Variants in USO1 observed in about 807,000 individuals in gnomAD.
USO1 encodes the protein USO1 vesicle transport factor, also known as general vesicular transport factor p115.
USO1 carries 57 observed loss-of-function variants against 124.5 expected under a neutral mutation model. That is an observed-to-expected ratio of 0.46 (90% CI 0.37 to 0.57). The LOEUF is 0.57. Among genes scored for constraint, USO1 ranks in the 20% least tolerant of loss-of-function variants. The pLI is 0.00. For missense variants in USO1, 900 were observed against 1,040.6 expected, an observed-to-expected ratio of 0.86 and a Z score of 1.86; for synonymous variants, 369 against 362.8, an observed-to-expected ratio of 1.02 and a Z score of -0.19.
intron 22 of USO1, among the ~76,000 whole-genome samples, chr4:75,810,850 C>T (rs1723129166): frequency 6.6e-6 from 1 of 152,134 alleles, no homozygotes; most frequent in Non-Finnish European, 1.5e-5. Flanking sequence ...CCCGCCTCAA[C>T]CTACTGAGTA....
chr4:75,771,879 A>G (rs1484970847), intron 7 of USO1, among the ~76,000 whole-genome samples: 1 of 152,264 alleles, frequency 6.6e-6, no homozygotes, highest in Non-Finnish European at 1.5e-5. Flanking sequence ...GCAATTAGAA[A>G]AATTAAATTC....
At chr4:75,790,537 CTG>C in intron 11 of USO1, 104 bp from the exon 12 acceptor site, 1 of 1,446,218 alleles carries the variant, frequency 6.9e-7, no homozygotes, top group Non-Finnish European at 9.1e-7. Context: ...ACTTAACTTG[CTG>C]GTGTTCTGGT....
intron 8 of USO1, among the ~76,000 whole-genome samples, chr4:75,778,742 A>G (rs1722139314): frequency 6.6e-6 from 1 of 152,190 alleles, no homozygotes; most frequent in Non-Finnish European, 1.5e-5. Flanking sequence ...ACTTTATAGC[A>G]CAGAGTGAAC....
intron 8 of USO1, among the ~76,000 whole-genome samples, chr4:75,777,079 G>A (rs1286998321): frequency 6.6e-6 from 1 of 151,914 alleles, no homozygotes; most frequent in Non-Finnish European, 1.5e-5. Flanking sequence ...GGATATATCT[G>A]GGTTTTTAAA....
At chr4:75,761,418 G>C (rs1721604242) in intron 4 of USO1, among the ~76,000 whole-genome samples, 1 of 152,010 alleles carries the variant, frequency 6.6e-6, no homozygotes, top group Non-Finnish European at 1.5e-5. Flanking sequence ...GTGAAACCCT[G>C]CCTCTAAAAA....
chr4:75,752,317 C>T (rs1026849861), intron 1 of USO1, 56 bp from the exon 2 acceptor site: 5 of 396,942 alleles, frequency 1.3e-5, no homozygotes, highest in African/African-American at 4.1e-5. Context: ...ATTTAGGGGA[C>T]AAAAATTTCA....
At chr4:75,790,380 T>G (rs1315778328) in intron 11 of USO1, 142 bp downstream of exon 11, 2 of 1,244,276 alleles carry the variant, frequency 1.6e-6, no homozygotes, top group African/African-American at 3.0e-5. Flanking sequence ...AGATAAATGA[T>G]ATTGATATTT....
chr4:75,759,118 T>C (rs1721523262), intron 4 of USO1, among the ~76,000 whole-genome samples: 1 of 152,006 alleles, frequency 6.6e-6, no homozygotes, highest in Non-Finnish European at 1.5e-5. Flanking sequence ...GAGGTTTTTT[T>C]TTAATAAATT....
At chr4:75,804,630 T>TA (rs1208651388) in intron 18 of USO1, among the ~76,000 whole-genome samples, 7 of 152,206 alleles carry the variant, frequency 4.6e-5, no homozygotes, top group Non-Finnish European at 7.3e-5. Flanking sequence ...CAGTAACTAG[T>TA]ATAAGCCCAC....
chr4:75,755,637 C>T (rs1025488261), intron 3 of USO1, among the ~76,000 whole-genome samples: 1 of 152,128 alleles, frequency 6.6e-6, no homozygotes, highest in African/African-American at 2.4e-5. Flanking sequence ...ACTACCTTTT[C>T]AAAGCCACTA....
intron 8 of USO1, among the ~76,000 whole-genome samples, chr4:75,780,083 A>G (rs1187698864): frequency 1.3e-5 from 2 of 152,168 alleles, no homozygotes; most frequent in African/African-American, 2.4e-5. Flanking sequence ...AAGACAGCAC[A>G]TCTATGTAAT....
intron 21 of USO1, among the ~76,000 whole-genome samples, chr4:75,810,173 ATTACTTTTCTGGGC>A (rs1723105855): frequency 6.6e-6 from 1 of 152,156 alleles, no homozygotes; most frequent in Admixed American, 6.5e-5. Context: ...TGCCTTGCTG[ATTACTTTTCTGGGC>A]TTACCTACCT....
intron 9 of USO1, 128 bp downstream of exon 9, chr4:75,782,986 A>T (rs1175272315): frequency 2.3e-6 from 3 of 1,282,448 alleles, no homozygotes; most frequent in Non-Finnish European, 3.1e-6. Context: ...AAAAACTGTA[A>T]TATGGAAATT....
At chr4:75,760,772 A>G (rs1465581729) in intron 4 of USO1, among the ~76,000 whole-genome samples, 1 of 152,228 alleles carries the variant, frequency 6.6e-6, no homozygotes, top group Non-Finnish European at 1.5e-5. Context: ...ATAAACTTAC[A>G]TTACTATTAT....
intron 4 of USO1, among the ~76,000 whole-genome samples, chr4:75,769,501 G>T (rs1047244870): frequency 1.3e-5 from 2 of 152,048 alleles, no homozygotes; most frequent in South Asian, 4.1e-4. Flanking sequence ...ATTTAGAAAA[G>T]AATTTTCTGA....
At chr4:75,729,588 G>A (rs1235505581) in intron 1 of USO1, among the ~76,000 whole-genome samples, 2 of 152,090 alleles carry the variant, frequency 1.3e-5, no homozygotes, top group Non-Finnish European at 2.9e-5. Context: ...CAGTCTGCCC[G>A]CCTCGGCCTC....
intron 19 of USO1, among the ~76,000 whole-genome samples, chr4:75,806,021 C>G (rs1376471522): frequency 2.0e-5 from 3 of 151,980 alleles, no homozygotes; most frequent in African/African-American, 7.3e-5. Flanking sequence ...GACAGAGTCT[C>G]GCTCTGTTAG....
chr4:75,768,805 A>G (rs1396250825), intron 4 of USO1, among the ~76,000 whole-genome samples: 2 of 152,208 alleles, frequency 1.3e-5, no homozygotes, highest in African/African-American at 2.4e-5. Flanking sequence ...TGTGACTTTA[A>G]ATATCATTTA....
At chr4:75,757,277 T>C (rs1245907185) in intron 3 of USO1, among the ~76,000 whole-genome samples, 2 of 152,142 alleles carry the variant, frequency 1.3e-5, no homozygotes, top group African/African-American at 4.8e-5. Context: ...TATGTATGAA[T>C]TTGCCATACT....
Sources: allele counts gnomAD v4.1 joint callset (sites outside exome capture counted in the v4.1 genomes callset), GRCh38; gene constraint gnomAD v4.1.1; transcripts MANE v1.5; gene names NCBI Gene and HGNC (gene_info 2026-07-23, HGNC 2026-07-21).